The following GABPA variants were observed in gnomAD, a reference collection of about 807,000 sequenced individuals.
GABPA encodes the protein GA-binding protein alpha chain.
Under a neutral mutation model 59.4 loss-of-function variants are expected in GABPA, and 4 were observed. The ratio of observed to expected loss-of-function variants is 0.07; its 90% CI spans 0.03 to 0.15. The LOEUF (loss-of-function observed/expected upper bound fraction) is 0.15. Among genes scored for constraint, GABPA ranks in the 10% least tolerant of loss-of-function variants. GABPA has a pLI of 1.00. For synonymous variants in GABPA, 164 were observed against 183.1 expected (o/e 0.90, Z 0.84); for missense variants, 251 against 543.8 (o/e 0.46, Z 5.36).
At chr21:25,763,103 T>C (rs1460226009) in intron 7 of GABPA, 1 of 465,910 alleles carries the variant, frequency 2.1e-6, no homozygotes, top group Admixed American at 2.7e-5. Context: ...TCTCTTAATA[T>C]CCATCTCCAT....
chr21:25,740,609 G>T (rs540909838), intron 1 of GABPA, among the ~76,000 whole-genome samples: 1 of 152,244 alleles, frequency 6.6e-6, no homozygotes, highest in East Asian at 1.9e-4. Context: ...TAATGTTTTT[G>T]TATCAGTGGT....
At chr21:25,757,039 A>C (rs898534666) in intron 5 of GABPA, among the ~76,000 whole-genome samples, 4 of 152,152 alleles carry the variant, frequency 2.6e-5, no homozygotes, top group Non-Finnish European at 5.9e-5. Context: ...TCTTTGAAGA[A>C]CTTTTATAAA....
At chr21:25,738,388 CCT>C (rs1473368794) in intron 1 of GABPA, among the ~76,000 whole-genome samples, 1 of 152,060 alleles carries the variant, frequency 6.6e-6, no homozygotes, top group Non-Finnish European at 1.5e-5. Context: ...CTAATTTGTC[CCT>C]TTTTTTGGTT....
chr21:25,746,148 A>T (rs1033366342), intron 3 of GABPA, among the ~76,000 whole-genome samples: 1 of 151,826 alleles, frequency 6.6e-6, no homozygotes, highest in Admixed American at 6.6e-5. Flanking sequence ...AGTAGCTGGG[A>T]CTACTACAGG....
At chr21:25,744,030 G>A (rs1195813413) in intron 2 of GABPA, among the ~76,000 whole-genome samples, 9 of 125,674 alleles carry the variant, frequency 7.2e-5, no homozygotes, top group Admixed American at 3.6e-4. Flanking sequence ...GGAACAGAGC[G>A]AGACTCTGTC....
At chr21:25,752,263 T>A (rs1432745042) in intron 5 of GABPA, 29 bp downstream of exon 5, 2 of 1,605,174 alleles carry the variant, frequency 1.2e-6, no homozygotes, top group Admixed American at 1.7e-5. Flanking sequence ...CTATATTGGG[T>A]AGAATAATAG....
Position 25,745,267 on chromosome 21 carries a change from T to C in GABPA, c.135T>C (p.Asn45=), listed in dbSNP as rs1444121174. 2.5e-6 allele frequency: 4 copies of C among 1,613,852 alleles called. No homozygotes were observed. In the East Asian group the frequency reaches 6.7e-5, roughly 27 times the overall value. Residue 45 remains asparagine (N), a synonymous_variant, in exon 3 of 10, where the codon AAT becomes AAC. Coordinates refer to ENST00000400075, the MANE Select transcript of GABPA (RefSeq NM_002040.4). ...AECVSQAIDI[N]EPIGNLKKLL... ...GTGTAAGCCAGGCCATAGACATCAA[T>C]GAACCAATAGGCAATTTAAAGAAAC...
chr21:25,742,927 G>A lies in GABPA; in HGVS notation c.77+1252G>A, dbSNP rs536994082. Among the ~76,000 whole-genome samples, 10 of 149,656 alleles carry A rather than the reference G, an allele frequency of 6.7e-5. No individual in the cohort carries two copies. In the East Asian group the frequency reaches 1.9e-3, roughly 29 times the overall value. On this transcript the variant is annotated intron_variant, in intron 2 of 9. Coordinates refer to ENST00000400075, the MANE Select transcript of GABPA (RefSeq NM_002040.4). The stretch of plus-strand genomic sequence containing the variant: ...CAGCTTTAGTGACAGGACAAGGTGC[G>A]GTCTCAAAAAAAAAAAAAAAGCCCA...
In GABPA at chr21:25,768,310, C is replaced by A. The variant is rs71651657; in HGVS notation, c.1137-694C>A. On this transcript the variant is annotated intron_variant, in intron 9 of 9. Coordinates refer to ENST00000400075, the MANE Select transcript of GABPA (RefSeq NM_002040.4). ...AGACCTTTTCCTTAGACTTAAAGCT[C>A]CCTATTGGGCTTGGATAATTTATCT... is the stretch of plus-strand genomic sequence containing the variant. Among the ~76,000 whole-genome samples the A allele has an allele frequency of 6.8e-3, 1,029 of 151,984 alleles. 9 individuals carry two copies. The highest frequency in any genetic ancestry group is 0.024 in the African/African-American group (979 of 41,458).
In GABPA at chr21:25,737,331, A is replaced by G. The variant is rs2035101072; in HGVS notation, c.-27+1753A>G. On this transcript the variant is annotated intron_variant, in intron 1 of 9. Transcript: ENST00000400075. The stretch of plus-strand genomic sequence containing the variant: ...TCAGAAAAAGAGATAAGACTCACTC[A>G]AAAACTGATATGAAAGATTTGGACT... Among the ~76,000 whole-genome samples, 2 of 152,370 alleles carry G rather than the reference A, an allele frequency of 1.3e-5. 1 individual carries two copies. Among genetic ancestry groups the G allele is most frequent in the South Asian group, 4.1e-4 (2 of 4,834 alleles).
intron 5 of GABPA, among the ~76,000 whole-genome samples, chr21:25,757,292 T>C (rs1464642763): frequency 1.3e-5 from 2 of 152,190 alleles, no homozygotes; most frequent in South Asian, 2.1e-4. Context: ...TTTATAGATA[T>C]TGGCCATATT....
At chr21:25,752,614 G>T (rs1432675975) in intron 5 of GABPA, among the ~76,000 whole-genome samples, 1 of 152,130 alleles carries the variant, frequency 6.6e-6, no homozygotes, top group African/African-American at 2.4e-5. Flanking sequence ...GCTGAAAAGA[G>T]TTTATTATAA....
chr21:25,749,146 T>A, intron 4 of GABPA, 26 bp downstream of exon 4: 1 of 1,321,104 alleles, frequency 7.6e-7, no homozygotes, highest in Non-Finnish European at 1.1e-6. Flanking sequence ...TGATAGTTAT[T>A]TAAAATTTTA....
chr21:25,755,127 G>T (rs1192125057), intron 5 of GABPA, among the ~76,000 whole-genome samples: 1 of 151,674 alleles, frequency 6.6e-6, no homozygotes, highest in Non-Finnish European at 1.5e-5. Flanking sequence ...ACTATATGCT[G>T]ATAAAACGAG....
chr21:25,751,010 C>T (rs368800632), intron 4 of GABPA, among the ~76,000 whole-genome samples: 3 of 152,162 alleles, frequency 2.0e-5, no homozygotes, highest in African/African-American at 7.2e-5. Flanking sequence ...TGTGCTTTTT[C>T]TTTAAGCTGT....
rs1399822093 is a variant in GABPA, at chr21:25,770,493, C to T, written c.*1261C>T. On this transcript the variant is annotated 3_prime_UTR_variant, in exon 10 of 10. Transcript: ENST00000400075. ...AATGGCTAGAAATGTCTTTTTCTTT[C>T]TTTTCTCTCTTTGTTGTTTAAGGTA... The T allele has an allele frequency of 6.6e-6, 1 of 151,750 alleles. No individual in the cohort carries two copies. Among genetic ancestry groups the T allele is most frequent in the Non-Finnish European group, 1.5e-5 (1 of 67,822 alleles). The allele number at this position is 151,750 out of a possible 1,614,324, so 9.4% of individuals were successfully genotyped here.
At chr21:25,740,742 A>G (rs1369105534) in intron 1 of GABPA, among the ~76,000 whole-genome samples, 6 of 152,234 alleles carry the variant, frequency 3.9e-5, no homozygotes, top group Non-Finnish European at 7.3e-5. Context: ...CAGGGAAATA[A>G]TGTGCATATC....
At chr21:25,754,291 A>G (rs897789472) in intron 5 of GABPA, among the ~76,000 whole-genome samples, 9 of 152,134 alleles carry the variant, frequency 5.9e-5, no homozygotes, top group African/African-American at 2.2e-4. Flanking sequence ...TCTGCATTGT[A>G]TTTCTGTTGG....
At chr21:25,750,334 G>A (rs1479578040) in intron 4 of GABPA, among the ~76,000 whole-genome samples, 2 of 152,142 alleles carry the variant, frequency 1.3e-5, no homozygotes, top group Non-Finnish European at 2.9e-5. Context: ...TGTGGCCTGG[G>A]GTTTGGGGAC....
Sources: allele counts gnomAD v4.1 joint callset (sites outside exome capture counted in the v4.1 genomes callset), GRCh38; gene constraint gnomAD v4.1.1; transcripts MANE v1.5; gene names NCBI Gene and HGNC (gene_info 2026-07-23, HGNC 2026-07-21).